Variants in ANKRD28 observed in about 807,000 individuals in gnomAD.
ANKRD28 encodes the protein serine/threonine-protein phosphatase 6 regulatory ankyrin repeat subunit A.
ANKRD28 carries 44 observed loss-of-function variants against 126.5 expected under a neutral mutation model. The ratio of observed to expected loss-of-function variants is 0.35; its 90% confidence interval spans 0.27 to 0.45. ANKRD28 has a LOEUF of 0.45. ANKRD28 is among the 20% of genes least tolerant of loss of function. The probability of loss-of-function intolerance (pLI) is 1.00; values close to 1 mark genes in which losing one functional copy is unlikely to be tolerated. For missense variants in ANKRD28, 1,110 were observed against 1,316.6 expected (o/e 0.84, Z 2.43); for synonymous variants, 442 against 468.5 (o/e 0.94, Z 0.73).
At chr3:15,735,389 C>T (rs2074947890) in intron 6 of ANKRD28, 21 bp downstream of exon 6, 1 of 1,509,294 alleles carries the variant, frequency 6.6e-7, no homozygotes, top group African/African-American at 1.4e-5. Flanking sequence ...ATATCAAAAA[C>T]TAAATTTAAA....
intron 3 of ANKRD28, among the ~76,000 whole-genome samples, chr3:15,756,973 G>C (rs949151607): frequency 6.6e-6 from 1 of 152,058 alleles, no homozygotes; most frequent in African/African-American, 2.4e-5. Context: ...AACTGCATGA[G>C]TCCACTTATA....
rs920799016 is a variant in ANKRD28, at chr3:15,806,488, T to C, written c.28-11182A>G. ...ATCATTACCTCTTAGAAGGCAGCTA[T>C]GCTCACCACTATACCAACACTGCTG... On this transcript the variant is annotated intron_variant, in intron 1 of 27. Transcript: ENST00000399451. 5.3e-5 allele frequency among the ~76,000 whole-genome samples: 8 copies of C among 152,270 alleles called. No individual in the cohort carries two copies. The East Asian group carries it at 1.4e-3, about 26-fold the overall frequency.
At chr3:15,673,503 G>A (rs1289769798) in intron 27 of ANKRD28, among the ~76,000 whole-genome samples, 1 of 152,134 alleles carries the variant, frequency 6.6e-6, no homozygotes, top group Non-Finnish European at 1.5e-5. Flanking sequence ...TAGTGGAGAA[G>A]ACACAAAATC....
chr3:15,821,800 T>C (rs1208834246), intron 1 of ANKRD28, among the ~76,000 whole-genome samples: 3 of 152,162 alleles, frequency 2.0e-5, no homozygotes, highest in Admixed American at 2.0e-4. Context: ...TAAACTAATA[T>C]GGACCTTATT....
chr3:15,681,020 T>C (rs2067484830), intron 21 of ANKRD28, among the ~76,000 whole-genome samples: 1 of 152,182 alleles, frequency 6.6e-6, no homozygotes, highest in Admixed American at 6.5e-5. Context: ...ACCAAAGTGA[T>C]ATTGCTGTGG....
intron 4 of ANKRD28, among the ~76,000 whole-genome samples, chr3:15,744,473 C>CTTTTT (rs551103706): frequency 7.3e-6 from 1 of 137,244 alleles, no homozygotes; most frequent in East Asian, 2.1e-4. Context: ...CCAAACCTGG[C>CTTTTT]TTTTTTTTTT....
rs972052125 is a variant in ANKRD28, at chr3:15,815,375, T to C, written c.28-20069A>G. 6.6e-6 allele frequency among the ~76,000 whole-genome samples: 1 copy of C among 152,188 alleles called. No individual in the cohort carries two copies. Among genetic ancestry groups the C allele is most frequent in the African/African-American group, 2.4e-5 (1 of 41,452 alleles). On this transcript the variant is annotated intron_variant, in intron 1 of 27. Transcript: ENST00000399451. This position sits in a 1 kb window ranked among gnomAD's most constrained non-coding sequence, Gnocchi z 4.1. ...AGGTTGGAGTACAGTGGCCCAAATG[T>C]AGTTTCAACCTCCTGGGTTCAAATG...
intron 2 of ANKRD28, among the ~76,000 whole-genome samples, chr3:15,788,011 C>T (rs938049800): frequency 1.6e-4 from 24 of 152,200 alleles, no homozygotes; most frequent in African/African-American, 4.8e-4. Flanking sequence ...TAAGATCTAC[C>T]GCTTAGCTCT....
At chr3:15,704,723 A>C (rs1575265239) in intron 14 of ANKRD28, among the ~76,000 whole-genome samples, 1 of 152,162 alleles carries the variant, frequency 6.6e-6, no homozygotes, top group East Asian at 1.9e-4. Flanking sequence ...CAATTTAAGA[A>C]AAATAAATCC....
chr3:15,781,545 T>TAA (rs1283710814), intron 2 of ANKRD28: 1 of 152,148 alleles, frequency 6.6e-6, no homozygotes, highest in East Asian at 1.9e-4. Context: ...AAACTAATAT[T>TAA]AATAATAAAA....
At position 15,735,475 on chromosome 3, in the gene ANKRD28, C is replaced by A; in HGVS notation, c.575G>T (p.Arg192Ile). The change falls in exon 6 of 28, where the codon AGA (arginine) becomes ATA (isoleucine). Residue 192 changes from arginine to isoleucine, a missense_variant. By Grantham distance (97) the Arg-to-Ile change is moderately conservative. Coordinates refer to ENST00000683139, the MANE Select transcript of ANKRD28 (RefSeq NM_001349278.2). ...GTCAAAAGCATTAATATTGGCACCT[C>A]TAGACAAGAGTAGTTTGACCATCTG... ...HGEMVKLLLSRGANINAFDKK... is the reference protein window; with the variant it reads ...HGEMVKLLLSIGANINAFDKK... The A allele has an allele frequency of 6.4e-7, 1 of 1,557,166 alleles. No individual in the cohort carries two copies.
At chr3:15,673,107 G>T (rs2066551790) in intron 27 of ANKRD28, among the ~76,000 whole-genome samples, 1 of 152,136 alleles carries the variant, frequency 6.6e-6, no homozygotes, top group African/African-American at 2.4e-5. Flanking sequence ...CACTCTCTTT[G>T]CTTAGAAAGT....
Position 15,846,502 on chromosome 3 carries a change from A to T in ANKRD28, c.27+12875T>A, listed in dbSNP as rs2061534608. On this transcript the variant is annotated intron_variant, in intron 1 of 27. Transcript: ENST00000399451. This position sits in a 1 kb window ranked among gnomAD's most constrained non-coding sequence, Gnocchi z 5.4. ...ACAATATATACAGGGTCTGGAAGTC[A>T]ACAGCTGAAAGCTTACCTACCATAT... 6.6e-6 allele frequency among the ~76,000 whole-genome samples: 1 copy of T among 152,272 alleles called. No individual in the cohort carries two copies. Among genetic ancestry groups the T allele is most frequent in the South Asian group, 2.1e-4 (1 of 4,832 alleles).
rs367576170 is a variant in ANKRD28 at position 15,709,747 on chromosome 3, A to G, written c.1338-11T>C. ...AGGCACTCCAAATTCCTATTGAGAG[A>G]AAATACAGTTAGAAAACTTAATTGA... On this transcript the variant is annotated splice_polypyrimidine_tract_variant and intron_variant, in intron 12 of 27. Coordinates refer to ENST00000683139, the MANE Select transcript of ANKRD28 (RefSeq NM_001349278.2). 30 of 1,540,464 alleles carry G rather than the reference A, an allele frequency of 1.9e-5. No homozygotes were observed. The African/African-American group carries it at 3.7e-4, about 19-fold the overall frequency.
rs1179000800 is a variant in ANKRD28 at position 15,816,512 on chromosome 3, G to T, written c.28-21206C>A. On this transcript the variant is annotated intron_variant, in intron 1 of 27. Transcript: ENST00000399451. This position sits in a 1 kb window ranked among gnomAD's most constrained non-coding sequence, Gnocchi z 5.0. ...TTTACAATTTAAAAAACACTACACAGAAATATTCAAGTAAGAAAGTTTTAT... is the reference window on the plus strand; with the variant it reads ...TTTACAATTTAAAAAACACTACACATAAATATTCAAGTAAGAAAGTTTTAT... Among the ~76,000 whole-genome samples the T allele has an allele frequency of 6.6e-6, 1 of 152,150 alleles. No homozygotes were observed. The highest frequency in any genetic ancestry group is 1.5e-5 in the Non-Finnish European group (1 of 68,028).
intron 4 of ANKRD28, among the ~76,000 whole-genome samples, chr3:15,744,998 T>C (rs570687483): frequency 6.6e-6 from 1 of 152,190 alleles, no homozygotes; most frequent in Non-Finnish European, 1.5e-5. Flanking sequence ...TAATTAGTGA[T>C]GTTATTTTTC....
upstream of ANKRD28, among the ~76,000 whole-genome samples, chr3:15,799,897 C>T (rs562576166): frequency 2.3e-4 from 35 of 152,012 alleles, no homozygotes; most frequent in African/African-American, 6.0e-4. Flanking sequence ...TCTGTCGTCA[C>T]GAGACTCTGG....
chr3:15,680,212 T>C (rs1265485444), intron 21 of ANKRD28, among the ~76,000 whole-genome samples: 3 of 148,192 alleles, frequency 2.0e-5, no homozygotes, highest in African/African-American at 7.3e-5. Context: ...GAAATATTAT[T>C]ATTATTATTT....
chr3:15,752,027 T>TA (rs991659958), intron 3 of ANKRD28, among the ~76,000 whole-genome samples: 1 of 152,080 alleles, frequency 6.6e-6, no homozygotes, highest in Non-Finnish European at 1.5e-5. Flanking sequence ...AATAAAGTCT[T>TA]AGTTTTTTAA....
Sources: gnomAD v4.1 joint callset for allele counts (sites outside exome capture counted in the v4.1 genomes callset) on GRCh38, gnomAD v4.1.1 for gene constraint, Gnocchi (gnomAD v3.1) non-coding constraint, MANE v1.5 for transcripts, NCBI Gene and HGNC (gene_info 2026-07-23, HGNC 2026-07-21) for gene names.